Variants in HS3ST5 observed in about 807,000 individuals in gnomAD.
HS3ST5 encodes the protein heparan sulfate glucosamine 3-O-sulfotransferase 5.
HS3ST5 carries 10 observed loss-of-function variants against 25.4 expected under a neutral mutation model. That is an observed-to-expected ratio of 0.39 (90% confidence interval 0.24 to 0.67). The LOEUF (loss-of-function observed/expected upper bound fraction) is 0.67. Among genes scored for constraint, HS3ST5 ranks in the 30% least tolerant of loss-of-function variants. The pLI is 0.44. For missense variants in HS3ST5, 324 were observed against 420.7 expected (o/e 0.77, Z 2.01); for synonymous variants, 170 against 162.4 (o/e 1.05, Z -0.36).
At chr6:114,086,132 C>T (rs1026798672) in intron 3 of HS3ST5, among the ~76,000 whole-genome samples, 8 of 152,110 alleles carry the variant, frequency 5.3e-5, no homozygotes, top group Admixed American at 4.6e-4. Flanking sequence ...ACATGGCTCC[C>T]ATAACCTTTG....
chr6:114,108,086 A>G (rs560511473), intron 3 of HS3ST5, among the ~76,000 whole-genome samples: 4 of 152,294 alleles, frequency 2.6e-5, no homozygotes, highest in Admixed American at 6.5e-5. Flanking sequence ...AAATATAGAT[A>G]TATGAGAAGG....
At chr6:114,123,153 A>G (rs1404718025) in intron 3 of HS3ST5, among the ~76,000 whole-genome samples, 1 of 152,164 alleles carries the variant, frequency 6.6e-6, no homozygotes, top group Non-Finnish European at 1.5e-5. Flanking sequence ...GGGTTTCTCC[A>G]TGTTGGTCAG....
At chr6:114,313,086 G>A (rs1218511271) in intron 1 of HS3ST5, among the ~76,000 whole-genome samples, 1 of 107,606 alleles carries the variant, frequency 9.3e-6, no homozygotes, top group Non-Finnish European at 1.9e-5. Flanking sequence ...GCCAATAAAT[G>A]CATGAAAACA....
chr6:114,338,697 C>T (rs1776707650), intron 1 of HS3ST5, among the ~76,000 whole-genome samples: 1 of 152,084 alleles, frequency 6.6e-6, no homozygotes, highest in Non-Finnish European at 1.5e-5. Context: ...TTTAATTGCA[C>T]TTCTGCTTAA....
intron 3 of HS3ST5, among the ~76,000 whole-genome samples, chr6:114,152,791 T>C (rs1349512060): frequency 6.6e-6 from 1 of 152,176 alleles, no homozygotes; most frequent in African/African-American, 2.4e-5. Context: ...GCCCTGTCTC[T>C]ACTGCGAGGG....
chr6:114,121,962 C>T (rs1220879307), intron 3 of HS3ST5, among the ~76,000 whole-genome samples: 1 of 152,152 alleles, frequency 6.6e-6, no homozygotes. Flanking sequence ...AAGTCCTGTC[C>T]CAGGCCCCAC....
chr6:114,102,220 A>T (rs930877543), intron 3 of HS3ST5, among the ~76,000 whole-genome samples: 2 of 152,242 alleles, frequency 1.3e-5, no homozygotes, highest in African/African-American at 4.8e-5. Flanking sequence ...AAGAATGTGT[A>T]TTAACTGCAG....
chr6:114,223,383 T>C (rs955618629), intron 2 of HS3ST5, among the ~76,000 whole-genome samples: 3 of 151,838 alleles, frequency 2.0e-5, no homozygotes, highest in African/African-American at 7.2e-5. Context: ...GTTGGGTTAA[T>C]GGGACTATGT....
At chr6:114,219,182 A>G (rs1035449459) in intron 2 of HS3ST5, among the ~76,000 whole-genome samples, 1 of 152,200 alleles carries the variant, frequency 6.6e-6, no homozygotes, top group African/African-American at 2.4e-5. Flanking sequence ...ATTATATTAC[A>G]CTATATTGTC....
chr6:114,214,111 G>A (rs2114450612), intron 2 of HS3ST5, among the ~76,000 whole-genome samples: 1 of 152,300 alleles, frequency 6.6e-6, no homozygotes, highest in Admixed American at 6.5e-5. Context: ...CTGAAGTAAA[G>A]CTTTCTTTCT....
intron 3 of HS3ST5, among the ~76,000 whole-genome samples, chr6:114,077,825 G>A (rs1384558789): frequency 6.6e-6 from 1 of 152,078 alleles, no homozygotes; most frequent in Non-Finnish European, 1.5e-5. Flanking sequence ...TATATAAATG[G>A]CTTTTAATGC....
chr6:114,191,157 A>T (rs77476285), intron 2 of HS3ST5, among the ~76,000 whole-genome samples: 1 of 152,206 alleles, frequency 6.6e-6, no homozygotes. Context: ...ATCCCACTGC[A>T]TATATCCTGA....
intron 1 of HS3ST5, among the ~76,000 whole-genome samples, chr6:114,305,820 A>C (rs1383074106): frequency 6.6e-6 from 1 of 152,146 alleles, no homozygotes; most frequent in East Asian, 1.9e-4. Context: ...TACAAATCTC[A>C]ACACAATGAA....
intron 3 of HS3ST5, among the ~76,000 whole-genome samples, chr6:114,116,393 C>T (rs1004667171): frequency 3.3e-5 from 5 of 152,052 alleles, no homozygotes; most frequent in Admixed American, 1.3e-4. Flanking sequence ...TTCTAGTTTG[C>T]CTAGGTTATG....
chr6:114,120,465 A>T (rs1416877783), intron 3 of HS3ST5, among the ~76,000 whole-genome samples: 1 of 152,192 alleles, frequency 6.6e-6, no homozygotes, highest in Non-Finnish European at 1.5e-5. Flanking sequence ...TAACTTTGAG[A>T]TTACATATAC....
intron 3 of HS3ST5, among the ~76,000 whole-genome samples, chr6:114,155,091 C>G (rs970568838): frequency 6.6e-6 from 1 of 152,166 alleles, no homozygotes; most frequent in African/African-American, 2.4e-5. Context: ...GTGCTTGAGA[C>G]GTATTTGTTG....
chr6:114,138,893 G>T (rs923715064), intron 3 of HS3ST5, among the ~76,000 whole-genome samples: 2 of 152,124 alleles, frequency 1.3e-5, no homozygotes, highest in Non-Finnish European at 2.9e-5. Context: ...TTCACAGAAG[G>T]CATCTTCTTG....
At chr6:114,220,176 T>C (rs1453647453) in intron 2 of HS3ST5, among the ~76,000 whole-genome samples, 2 of 152,146 alleles carry the variant, frequency 1.3e-5, no homozygotes, top group African/African-American at 2.4e-5. Context: ...TATAAAGCCA[T>C]GGTTTTATCT....
chr6:114,218,868 A>G (rs964010550), intron 2 of HS3ST5, among the ~76,000 whole-genome samples: 2 of 152,220 alleles, frequency 1.3e-5, no homozygotes, highest in Non-Finnish European at 2.9e-5. Flanking sequence ...TAGATATGAA[A>G]TATAGAAGGA....
Sources: allele counts gnomAD v4.1 joint callset (sites outside exome capture counted in the v4.1 genomes callset), GRCh38; gene constraint gnomAD v4.1.1; transcripts MANE v1.5; gene names NCBI Gene and HGNC (gene_info 2026-07-23, HGNC 2026-07-21).